PCDHA5: variants seen among roughly 807,000 people sequenced by gnomAD.
PCDHA5 encodes the protein protocadherin alpha-5.
Under a neutral mutation model 61.6 loss-of-function variants are expected in PCDHA5, and 43 were observed. The observed-to-expected ratio is 0.70, with a 90% CI of 0.55 to 0.90. The LOEUF (loss-of-function observed/expected upper bound fraction) is 0.90. Among genes scored for constraint, PCDHA5 ranks in the 40% least tolerant of loss-of-function variants. The pLI, the probability that PCDHA5 is intolerant of heterozygous loss-of-function variation, is 0.00. For missense variants in PCDHA5, 1,298 were observed against 1,222.7 expected, an observed-to-expected ratio of 1.06 and a Z score of -0.92; for synonymous variants, 627 against 543.9, an observed-to-expected ratio of 1.15 and a Z score of -2.13.
At chr5:140,922,910 A>C (rs1418606862) in intron 1 of PCDHA5, among the ~76,000 whole-genome samples, 4 of 152,228 alleles carry the variant, frequency 2.6e-5, no homozygotes, top group Admixed American at 2.6e-4. Flanking sequence ...TTGAGATACA[A>C]ATAAACTTCA....
rs1477425486 is a variant in PCDHA5, at chr5:140,821,649, T to C, written c.-127T>C. 10 of 1,085,948 alleles carry C rather than the reference T, an allele frequency of 9.2e-6. No homozygotes were observed. The highest frequency in any genetic ancestry group is 1.3e-5 in the Non-Finnish European group (10 of 764,362). 67.3% of individuals were successfully genotyped at this position (1,085,948 alleles called of 1,614,324 possible). ...AGACAGAAAGGAAAAGAACCTTCCA[T>C]TTTTGGCTGTGCCAAGAAGCTCAGA... On this transcript the variant is annotated 5_prime_UTR_variant, in exon 1 of 4. Coordinates refer to ENST00000529859, the MANE Select transcript of PCDHA5 (RefSeq NM_018908.3).
chr5:140,961,715 A>G (rs1363525264), intron 1 of PCDHA5, among the ~76,000 whole-genome samples: 2 of 152,160 alleles, frequency 1.3e-5, no homozygotes, highest in Non-Finnish European at 2.9e-5. Flanking sequence ...TTCATTTCTA[A>G]GTGCTCATAA....
At chr5:140,936,425 T>C (rs1471918068) in intron 1 of PCDHA5, among the ~76,000 whole-genome samples, 2 of 152,244 alleles carry the variant, frequency 1.3e-5, no homozygotes, top group Non-Finnish European at 2.9e-5. Flanking sequence ...TAATTTTAAT[T>C]AATTTAAGCT....
chr5:140,882,886 G>C, intron 1 of PCDHA5: 1 of 1,614,200 alleles, frequency 6.2e-7, no homozygotes, highest in Non-Finnish European at 8.5e-7. Context: ...AGGAAATTCA[G>C]GAACATAGTT....
intron 1 of PCDHA5, chr5:140,854,000 C>CA (rs112540154): frequency 0.023 from 8,090 of 347,992 alleles, 12 homozygotes; most frequent in Middle Eastern, 0.03. Flanking sequence ...TCATCTCTGC[C>CA]AAAAAAAAAA....
intron 1 of PCDHA5, chr5:140,866,780 G>C (rs1327991487): frequency 6.6e-6 from 1 of 152,092 alleles, no homozygotes; most frequent in Admixed American, 6.6e-5. Flanking sequence ...TGTATGTCCT[G>C]ACTGATATAG....
chr5:140,850,946 T>A (rs2150503431), intron 1 of PCDHA5: 1 of 1,504,084 alleles, frequency 6.6e-7, no homozygotes, highest in East Asian at 2.3e-5. Flanking sequence ...AAAGATATTA[T>A]CGATTACTCC....
chr5:140,990,808 C>G (rs537926285), intron 3 of PCDHA5, among the ~76,000 whole-genome samples: 18 of 152,212 alleles, frequency 1.2e-4, no homozygotes, highest in Non-Finnish European at 2.4e-4. Context: ...ACAGAAGAAG[C>G]TCCCTTCTCT....
Position 140,833,676 on chromosome 5 carries a change from C to T in PCDHA5, c.2352+9549C>T, listed in dbSNP as rs2150210377. On this transcript the variant is annotated intron_variant, in intron 1 of 3. Coordinates refer to ENST00000529859, the MANE Select transcript of PCDHA5 (RefSeq NM_018908.3). ...AAATTCTTCCCCTTCAAAGATTCCC[C>T]AAACCTTCTCTTATTTTGTTTTCCC... Among the ~76,000 whole-genome samples, 6 of 152,216 alleles carry T rather than the reference C, an allele frequency of 3.9e-5. No homozygotes were observed. In the Middle Eastern group the frequency reaches 0.014, roughly 345 times the overall value.
rs2150115372 is a variant in PCDHA5, at chr5:140,822,309, C to G, written c.534C>G (p.Asp178Glu). 2.5e-6 allele frequency: 4 copies of G among 1,614,044 alleles called. No individual in the cohort carries two copies. The African/African-American group carries it at 5.3e-5, about 22-fold the overall frequency. The change falls in exon 1 of 4, where the codon GAC becomes GAG. Residue 178 changes from aspartate to glutamate, a missense_variant. Physicochemically the swap from Asp to Glu is conservative, Grantham distance 45 (BLOSUM62 2). Transcript: ENST00000529859. ...GGTTAAATCCAAACGAATATTTTGA[C>G]TTAGATGTTAAAACAAATGAAGAAG... ...RYRLNPNEYF[D>E]LDVKTNEEET...
chr5:140,942,619 TA>T (rs35075175), intron 1 of PCDHA5, among the ~76,000 whole-genome samples: 84,954 of 148,808 alleles, frequency 0.57, 24,471 homozygotes, highest in African/African-American at 0.7. Context: ...TTGCCAATTG[TA>T]AAAAAAAAAA....
At chr5:140,975,511 A>T (rs1236558069) in intron 1 of PCDHA5, among the ~76,000 whole-genome samples, 2 of 152,212 alleles carry the variant, frequency 1.3e-5, no homozygotes, top group African/African-American at 4.8e-5. Flanking sequence ...CACTATGCAA[A>T]ATCTGCAGTG....
chr5:141,010,073 T>C lies in PCDHA5; in HGVS notation c.*136T>C. On this transcript the variant is annotated 3_prime_UTR_variant, in exon 4 of 4. Coordinates refer to ENST00000529859, the MANE Select transcript of PCDHA5 (RefSeq NM_018908.3). ...CCTCAGAAATCTGCAGAAAGTTCCC[T>C]GTGTCTGTCTAGAACGCATTTAACA... 6.2e-7 allele frequency: 1 copy of C among 1,606,602 alleles called. No individual in the cohort carries two copies. The highest frequency in any genetic ancestry group is 1.7e-5 in the Admixed American group (1 of 59,096).
intron 1 of PCDHA5, chr5:140,882,641 G>A (rs1464189390): frequency 6.2e-7 from 1 of 1,614,104 alleles, no homozygotes; most frequent in Non-Finnish European, 8.5e-7. Context: ...GAAGGTGAGG[G>A]ACATTAACGA....
At position 140,850,713 on chromosome 5, in the gene PCDHA5, G is replaced by T. The variant is rs186966305; in HGVS notation, c.2352+26586G>T. 415 of 1,598,196 alleles carry T rather than the reference G, an allele frequency of 2.6e-4. 13 individuals are homozygous for T. The East Asian group carries it at 6.7e-3, about 26-fold the overall frequency. ...GTGCGCGCCTGGCAAGCCGACGCTGGTGTGTTCTAGCGCGGTGGGGAGTTG... is the reference window on the plus strand; with the variant it reads ...GTGCGCGCCTGGCAAGCCGACGCTGTTGTGTTCTAGCGCGGTGGGGAGTTG... On this transcript the variant is annotated intron_variant, in intron 1 of 3. Coordinates refer to ENST00000529859, the MANE Select transcript of PCDHA5 (RefSeq NM_018908.3).
intron 1 of PCDHA5, chr5:140,837,034 CA>C (rs1275665516): frequency 5.8e-5 from 13 of 223,608 alleles, no homozygotes; most frequent in South Asian, 2.6e-4. Context: ...AGTGTATTTA[CA>C]AAATCAAATA....
chr5:140,846,341 G>GCTTTCTCT lies in PCDHA5; in HGVS notation c.2352+22215_2352+22222dup, dbSNP rs1176165668. On this transcript the variant is annotated intron_variant, in intron 1 of 3. Coordinates refer to ENST00000529859, the MANE Select transcript of PCDHA5 (RefSeq NM_018908.3). ...AGTGTTGTAAATAGCCTTTTAAAGTGCTTTCTCTTTTTTCTTTTCTTTTCT... is the reference window on the plus strand; with the variant it reads ...AGTGTTGTAAATAGCCTTTTAAAGTGCTTTCTCTCTTTCTCTTTTTTCTTTTCTTTTCT... Among the ~76,000 whole-genome samples, 20 of 144,650 alleles carry GCTTTCTCT rather than the reference G, an allele frequency of 1.4e-4. 2 individuals carry two copies. Among genetic ancestry groups the GCTTTCTCT allele is most frequent in the Non-Finnish European group, 1.5e-5 (1 of 64,996 alleles). 94.9% of individuals were successfully genotyped at this position (144,650 alleles called of 152,430 possible). A position where few individuals can be genotyped will look rare whatever the true frequency, so the allele number is the denominator to read the frequency against.
chr5:140,902,963 G>T (rs2069893804), intron 1 of PCDHA5, among the ~76,000 whole-genome samples: 1 of 152,180 alleles, frequency 6.6e-6, no homozygotes, highest in Non-Finnish European at 1.5e-5. Context: ...CTTGTTGGCT[G>T]ATGGGCATTT....
At chr5:140,982,364 T>A in intron 2 of PCDHA5, 111 bp from the exon 3 acceptor site, 1 of 1,534,660 alleles carries the variant, frequency 6.5e-7, no homozygotes, top group Non-Finnish European at 8.8e-7. Flanking sequence ...ATGAGCAGAA[T>A]GTGTTAGCTG....
Sources: allele counts gnomAD v4.1 joint callset (sites outside exome capture counted in the v4.1 genomes callset), GRCh38; gene constraint gnomAD v4.1.1; transcripts MANE v1.5; gene names NCBI Gene and HGNC (gene_info 2026-07-23, HGNC 2026-07-21).